The following FHIT variants were observed in gnomAD, a reference collection of about 807,000 sequenced individuals.
FHIT encodes the protein bis(5'-adenosyl)-triphosphatase.
Under a neutral mutation model 17.9 loss-of-function variants are expected in FHIT, and 19 were observed. The observed-to-expected ratio is 1.06, with a 90% CI of 0.74 to 1.56. The LOEUF is 1.56. FHIT is among the 40% of genes most tolerant of loss of function. FHIT has a pLI of 0.00. For missense variants in FHIT, 248 were observed against 189.2 expected, an observed-to-expected ratio of 1.31 and a Z score of -1.82; for synonymous variants, 81 against 69.7, an observed-to-expected ratio of 1.16 and a Z score of -0.81.
intron 8 of FHIT, among the ~76,000 whole-genome samples, chr3:59,768,226 G>A (rs1315925154): frequency 6.6e-6 from 1 of 152,192 alleles, no homozygotes; most frequent in African/African-American, 2.4e-5. Flanking sequence ...ATGGTCCAGT[G>A]CAATTTCGAC....
chr3:60,221,654 G>A (rs911106846), intron 5 of FHIT, among the ~76,000 whole-genome samples: 11 of 151,936 alleles, frequency 7.2e-5, no homozygotes, highest in Admixed American at 3.3e-4. Flanking sequence ...CCTGAAACAC[G>A]GCGCACACCT....
intron 5 of FHIT, among the ~76,000 whole-genome samples, chr3:60,444,044 A>C (rs910234893): frequency 6.6e-6 from 1 of 152,200 alleles, no homozygotes; most frequent in Non-Finnish European, 1.5e-5. Context: ...ATATGAACAG[A>C]CACTTCTCAA....
chr3:60,289,732 G>T (rs534150272), intron 5 of FHIT, among the ~76,000 whole-genome samples: 121 of 152,216 alleles, frequency 7.9e-4, no homozygotes, highest in African/African-American at 2.7e-3. Flanking sequence ...ATGATGTTCC[G>T]TGTTCTCCCA....
At chr3:60,279,223 G>A (rs1428245829) in intron 5 of FHIT, among the ~76,000 whole-genome samples, 3 of 152,104 alleles carry the variant, frequency 2.0e-5, no homozygotes, top group East Asian at 3.9e-4. Flanking sequence ...CTGATCTCAC[G>A]GATATTAAAA....
chr3:60,355,011 C>T (rs757696935), intron 5 of FHIT, among the ~76,000 whole-genome samples: 33 of 152,068 alleles, frequency 2.2e-4, no homozygotes, highest in Admixed American at 1.3e-3. Context: ...TTAAAGAATC[C>T]TAAAACATAA....
chr3:59,921,657 C>T (rs1575699996), intron 8 of FHIT, among the ~76,000 whole-genome samples: 1 of 73,338 alleles, frequency 1.4e-5, no homozygotes, highest in East Asian at 2.8e-4. Context: ...AAATTGAAAT[C>T]ACCTTATAAC....
intron 8 of FHIT, among the ~76,000 whole-genome samples, chr3:59,763,871 A>G (rs781400830): frequency 2.0e-5 from 3 of 152,176 alleles, no homozygotes; most frequent in Non-Finnish European, 4.4e-5. Flanking sequence ...GAGAAGTGGG[A>G]AAATCTCCCT....
Position 60,965,312 on chromosome 3 carries a change from T to G in FHIT, c.-111+76735A>C, listed in dbSNP as rs148793631. On this transcript the variant is annotated intron_variant, in intron 3 of 9. Coordinates refer to ENST00000492590, the MANE Select transcript of FHIT (RefSeq NM_002012.4). ...CATTTAAGTTCTTCTCTACACTGATTATTCTAGTTAGCGATTCGTCTAATC... is the reference window on the plus strand; with the variant it reads ...CATTTAAGTTCTTCTCTACACTGATGATTCTAGTTAGCGATTCGTCTAATC... 8.8e-4 allele frequency among the ~76,000 whole-genome samples: 134 copies of G among 152,336 alleles called. 3 individuals are homozygous for G. In the East Asian group the frequency reaches 0.024, roughly 27 times the overall value.
At chr3:61,001,150 G>A (rs987453635) in intron 3 of FHIT, among the ~76,000 whole-genome samples, 1 of 152,116 alleles carries the variant, frequency 6.6e-6, no homozygotes, top group Admixed American at 6.6e-5. Context: ...AAAAAGCAGT[G>A]ATAACATCAA....
chr3:60,234,733 C>T (rs1704679704), intron 5 of FHIT, among the ~76,000 whole-genome samples: 1 of 152,164 alleles, frequency 6.6e-6, no homozygotes, highest in Non-Finnish European at 1.5e-5. Flanking sequence ...GATAGCTCTT[C>T]TTAATCTCAA....
chr3:60,297,016 T>C (rs1020738049), intron 5 of FHIT, among the ~76,000 whole-genome samples: 9 of 151,986 alleles, frequency 5.9e-5, no homozygotes, highest in Non-Finnish European at 1.3e-4. Context: ...TATACTTCTG[T>C]CAATGACACA....
In FHIT at chr3:60,056,352, G is replaced by T. The variant is rs1702081055; in HGVS notation, c.104-42200C>A. Among the ~76,000 whole-genome samples, 8 of 152,308 alleles carry T rather than the reference G, an allele frequency of 5.3e-5. No individual in the cohort carries two copies. The South Asian group carries it at 1.4e-3, about 28-fold the overall frequency. On this transcript the variant is annotated intron_variant, in intron 5 of 9. Transcript: ENST00000492590. ...GAACTAAAAGGTTTTCTGCCTGAGA[G>T]TAACCATTTAATATATTGGGGAGGG... is the stretch of plus-strand genomic sequence containing the variant.
At chr3:60,330,567 C>T (rs1055781531) in intron 5 of FHIT, among the ~76,000 whole-genome samples, 13 of 152,200 alleles carry the variant, frequency 8.5e-5, no homozygotes, top group African/African-American at 2.9e-4. Context: ...GCCATGATTT[C>T]AGGCATCCAG....
chr3:60,538,975 A>G (rs2036085765), intron 4 of FHIT, among the ~76,000 whole-genome samples: 1 of 152,136 alleles, frequency 6.6e-6, no homozygotes, highest in Non-Finnish European at 1.5e-5. Context: ...TCTGCACAGC[A>G]AAAGAATCTA....
chr3:60,612,145 C>T (rs1295055730), intron 4 of FHIT, among the ~76,000 whole-genome samples: 1 of 152,094 alleles, frequency 6.6e-6, no homozygotes, highest in Non-Finnish European at 1.5e-5. Context: ...GGGGGCTCTC[C>T]ATGGCCTTTA....
intron 3 of FHIT, among the ~76,000 whole-genome samples, chr3:61,039,889 T>A (rs1297473203): frequency 6.6e-6 from 1 of 152,156 alleles, no homozygotes; most frequent in East Asian, 1.9e-4. Context: ...GGATATCAAC[T>A]GTGGGCCACA....
At chr3:59,935,639 ATGGATGGGTGGGG>A (rs985386815) in intron 7 of FHIT, among the ~76,000 whole-genome samples, 2 of 151,502 alleles carry the variant, frequency 1.3e-5, no homozygotes, top group Non-Finnish European at 2.9e-5. Flanking sequence ...GGATGAATGG[ATGGATGGGTGGGG>A]TGGATGGGTG....
At chr3:60,164,684 C>G (rs1701085029) in intron 5 of FHIT, among the ~76,000 whole-genome samples, 1 of 152,078 alleles carries the variant, frequency 6.6e-6, no homozygotes, top group South Asian at 2.1e-4. Context: ...ATTTGGCCTA[C>G]AGGTGTGCTC....
chr3:60,031,777 C>A (rs986160609), intron 5 of FHIT, among the ~76,000 whole-genome samples: 1 of 151,994 alleles, frequency 6.6e-6, no homozygotes, highest in African/African-American at 2.4e-5. Context: ...AGAGGCTTAG[C>A]AGAGGGTGCA....
Sources: gnomAD v4.1 joint callset for allele counts (sites outside exome capture counted in the v4.1 genomes callset) on GRCh38, gnomAD v4.1.1 for gene constraint, MANE v1.5 for transcripts, NCBI Gene and HGNC (gene_info 2026-07-23, HGNC 2026-07-21) for gene names.